ZBTB20: variants seen among roughly 807,000 people sequenced by gnomAD.
ZBTB20 encodes the protein zinc finger and BTB domain-containing protein 20.
A neutral mutation model predicts 56.9 loss-of-function variants in ZBTB20; 9 were observed. The ratio of observed to expected loss-of-function variants is 0.16; its 90% CI spans 0.10 to 0.28. ZBTB20 has a LOEUF of 0.28. Ranked by LOEUF, ZBTB20 falls within the 10% of genes least tolerant of loss-of-function variation. The probability of loss-of-function intolerance (pLI) is 1.00; values close to 1 mark genes in which losing one functional copy is unlikely to be tolerated. For missense variants in ZBTB20, 655 were observed against 1,003.0 expected, an observed-to-expected ratio of 0.65 and a Z score of 4.69; for synonymous variants, 417 against 420.7, an observed-to-expected ratio of 0.99 and a Z score of 0.11.
intron 1 of ZBTB20, among the ~76,000 whole-genome samples, chr3:115,083,553 T>C (rs186786117): frequency 3.2e-4 from 48 of 152,192 alleles, no homozygotes; most frequent in Admixed American, 2.9e-3. Context: ...ATACTTTTTA[T>C]AGAAAGTTAT....
chr3:114,652,198 T>A (rs1040936605), intron 6 of ZBTB20, among the ~76,000 whole-genome samples: 2 of 152,082 alleles, frequency 1.3e-5, no homozygotes, highest in African/African-American at 4.8e-5. Flanking sequence ...TTCCAGTTAA[T>A]TTCTATCTCC....
At chr3:114,372,060 C>T (rs994342830) in intron 10 of ZBTB20, among the ~76,000 whole-genome samples, 1 of 152,202 alleles carries the variant, frequency 6.6e-6, no homozygotes, top group Admixed American at 6.5e-5. Context: ...CTCATGCTTG[C>T]TCTCAATCAA....
chr3:114,719,366 T>C lies in ZBTB20; in HGVS notation c.-342-25791A>G, dbSNP rs145799027. Among the ~76,000 whole-genome samples, 742 of 152,214 alleles carry C rather than the reference T, an allele frequency of 4.9e-3. 6 individuals carry two copies. The highest frequency in any genetic ancestry group is 0.01 in the Middle Eastern group (3 of 294). On this transcript the variant is annotated intron_variant, in intron 5 of 11. Coordinates refer to ENST00000675478, the MANE Select transcript of ZBTB20 (RefSeq NM_001348800.3). ...AATAAAGGTTTGAACCTCAATGATA[T>C]GGACATAGCTAAAAGATCCAACACA...
At chr3:115,140,765 T>G (rs1458918689) in intron 1 of ZBTB20, among the ~76,000 whole-genome samples, 1 of 152,106 alleles carries the variant, frequency 6.6e-6, no homozygotes, top group Non-Finnish European at 1.5e-5. Context: ...GTTTCAAAAT[T>G]AAAAATCAAA....
chr3:114,355,058 A>T (rs1329748419), intron 10 of ZBTB20, among the ~76,000 whole-genome samples: 6 of 152,218 alleles, frequency 3.9e-5, no homozygotes, highest in Non-Finnish European at 7.3e-5. Context: ...TGGAACTTGA[A>T]GTGCCCAAAG....
chr3:114,943,351 A>G (rs2076781736), intron 3 of ZBTB20, among the ~76,000 whole-genome samples: 1 of 145,786 alleles, frequency 6.9e-6, no homozygotes, highest in Admixed American at 6.6e-5. Context: ...ATATGAAAAA[A>G]TCATCAAGCA....
intron 5 of ZBTB20, among the ~76,000 whole-genome samples, chr3:114,797,206 A>G (rs2071391067): frequency 6.6e-6 from 1 of 151,724 alleles, no homozygotes; most frequent in South Asian, 2.1e-4. Flanking sequence ...TCTTAAAAAT[A>G]TGTGATGTGC....
rs1579121384 is a variant in ZBTB20, at chr3:114,844,369, A to C, written c.-416-43195T>G. Among the ~76,000 whole-genome samples, 4 of 104,532 alleles carry C rather than the reference A, an allele frequency of 3.8e-5. No homozygotes were observed. In the East Asian group the frequency reaches 1.1e-3, roughly 29 times the overall value. The allele number at this position is 104,532 out of a possible 152,430, so 68.6% of individuals were successfully genotyped here. A position where few individuals can be genotyped will look rare whatever the true frequency, so the allele number is the denominator to read the frequency against. The stretch of plus-strand genomic sequence containing the variant: ...TATATATATATATATATATATATAT[A>C]TATTAGCTGAGAGTGGTGGTGCATA... On this transcript the variant is annotated intron_variant, in intron 4 of 11. Coordinates refer to ENST00000675478, the MANE Select transcript of ZBTB20 (RefSeq NM_001348800.3).
rs560847872 is a variant in ZBTB20, at chr3:114,671,158, A to G, written c.-295+22370T>C. Among the ~76,000 whole-genome samples the G allele has an allele frequency of 9.9e-5, 15 of 152,258 alleles. No individual in the cohort carries two copies. In the South Asian group the frequency reaches 3.1e-3, roughly 32 times the overall value. ...ATGTTTTATTATTTTTAACCTAAAG[A>G]CTACGCATTTAAAGTAGGGTATTAT... On this transcript the variant is annotated intron_variant, in intron 6 of 11. Transcript: ENST00000675478.
intron 6 of ZBTB20, among the ~76,000 whole-genome samples, chr3:114,525,684 G>T (rs1361704000): frequency 1.3e-5 from 2 of 151,966 alleles, no homozygotes; most frequent in Admixed American, 1.3e-4. Flanking sequence ...TTGGCCTAAG[G>T]ATCCTGACTT....
intron 5 of ZBTB20, among the ~76,000 whole-genome samples, chr3:114,771,376 A>G (rs932246544): frequency 2.6e-5 from 4 of 152,202 alleles, no homozygotes; most frequent in African/African-American, 9.6e-5. Context: ...ACTGACTTAC[A>G]AATTTATAAG....
chr3:114,888,441 A>T (rs2076687626), intron 4 of ZBTB20, among the ~76,000 whole-genome samples: 1 of 152,146 alleles, frequency 6.6e-6, no homozygotes, highest in Non-Finnish European at 1.5e-5. Flanking sequence ...TGGTATATTG[A>T]TGTAAATAAT....
intron 2 of ZBTB20, among the ~76,000 whole-genome samples, chr3:115,036,224 G>A (rs944436735): frequency 2.0e-5 from 3 of 151,286 alleles, no homozygotes; most frequent in Admixed American, 6.6e-5. Context: ...ATAAGGTGGT[G>A]TATTTTATGT....
rs922217906 is a variant in ZBTB20, at chr3:114,409,104, AAG to A, written c.-254-20001_-254-20000del. ...TACTCTGCTTTTATTCAAATCTTCTAAGAGGGGGAAAAAGGGAAGACTTTTTT... is the reference window on the plus strand; with the variant it reads ...TACTCTGCTTTTATTCAAATCTTCTAAGGGGGAAAAAGGGAAGACTTTTTT... On this transcript the variant is annotated intron_variant, in intron 7 of 11. Transcript: ENST00000675478. Among the ~76,000 whole-genome samples, 28 of 149,718 alleles carry A rather than the reference AAG, an allele frequency of 1.9e-4. No homozygotes were observed. The South Asian group carries it at 5.3e-3, about 28-fold the overall frequency.
chr3:114,492,753 G>C (rs1392087822), intron 7 of ZBTB20, among the ~76,000 whole-genome samples: 1 of 152,162 alleles, frequency 6.6e-6, no homozygotes, highest in East Asian at 1.9e-4. Flanking sequence ...ATAATACAGA[G>C]AGATTTGTTA....
At chr3:114,502,137 T>C (rs2044064983) in intron 6 of ZBTB20, among the ~76,000 whole-genome samples, 1 of 152,182 alleles carries the variant, frequency 6.6e-6, no homozygotes, top group Non-Finnish European at 1.5e-5. Flanking sequence ...CCCACTTAAA[T>C]ATATCAAGAA....
chr3:115,084,812 C>G (rs2082927157), intron 1 of ZBTB20, among the ~76,000 whole-genome samples: 1 of 152,012 alleles, frequency 6.6e-6, no homozygotes, highest in Non-Finnish European at 1.5e-5. Flanking sequence ...AACCCACCTT[C>G]TCTTTCATAA....
At chr3:114,384,112 C>CAT (rs2084754538) in intron 8 of ZBTB20, among the ~76,000 whole-genome samples, 1 of 151,076 alleles carries the variant, frequency 6.6e-6, no homozygotes, top group Non-Finnish European at 1.5e-5. Flanking sequence ...CTCTCTCTCT[C>CAT]TCTCTCTCTC....
intron 3 of ZBTB20, among the ~76,000 whole-genome samples, chr3:114,927,313 T>C (rs892338687): frequency 1.3e-5 from 2 of 152,210 alleles, no homozygotes; most frequent in African/African-American, 4.8e-5. Context: ...TCATCTTACA[T>C]ATGTTGATTG....
Sources: allele counts gnomAD v4.1 joint callset (sites outside exome capture counted in the v4.1 genomes callset), GRCh38; gene constraint gnomAD v4.1.1; transcripts MANE v1.5; gene names NCBI Gene and HGNC (gene_info 2026-07-23, HGNC 2026-07-21).